ODAD3: variants seen among roughly 807,000 people sequenced by gnomAD.
ODAD3 encodes outer dynein arm docking complex subunit 3, also known as outer dynein arm-docking complex subunit 3.
A neutral mutation model predicts 70.9 loss-of-function variants in ODAD3; 57 were observed. The ratio of observed to expected loss-of-function variants is 0.80; its 90% CI spans 0.65 to 1.00. The LOEUF is 1.00. ODAD3 is among the 50% of genes least tolerant of loss of function. The pLI, the probability that ODAD3 is intolerant of heterozygous loss-of-function variation, is 0.00. For synonymous variants in ODAD3, 327 were observed against 315.9 expected, an observed-to-expected ratio of 1.04 and a Z score of -0.37; for missense variants, 797 against 763.9, an observed-to-expected ratio of 1.04 and a Z score of -0.51.
At chr19:11,425,086 TAC>T (rs1969267687) in intron 7 of ODAD3, among the ~76,000 whole-genome samples, 2 of 131,042 alleles carry the variant, frequency 1.5e-5, no homozygotes, top group African/African-American at 7.4e-5. Flanking sequence ...TGTGTATATG[TAC>T]ATATGTGTAT....
chr19:11,422,321 C>T lies in ODAD3; in HGVS notation c.1434+150G>A. The T allele has an allele frequency of 1.0e-6, 1 of 975,030 alleles. No homozygotes were observed. The highest frequency in any genetic ancestry group is 2.8e-5 in the East Asian group (1 of 36,122). 60.4% of individuals were successfully genotyped at this position (975,030 alleles called of 1,614,324 possible). A position where few individuals can be genotyped will look rare whatever the true frequency, so the allele number is the denominator to read the frequency against. Reference sequence around the variant, plus strand: ...GACTCTGAGGAATGGGGTGGGGCTTCCCCTGTGGGCGGGGCCTCTGACGTC... The same window carrying T: ...GACTCTGAGGAATGGGGTGGGGCTTTCCCTGTGGGCGGGGCCTCTGACGTC... On this transcript the variant is annotated intron_variant, in intron 10 of 12. Transcript: ENST00000356392. This position sits in a 1 kb window ranked among gnomAD's most constrained non-coding sequence, Gnocchi z 4.6.
chr19:11,425,489 A>ATGTATATATGTATATATGTG (rs1969331148), intron 7 of ODAD3, among the ~76,000 whole-genome samples: 6 of 139,762 alleles, frequency 4.3e-5, no homozygotes, highest in East Asian at 2.0e-4. Context: ...GTGTGTATAT[A>ATGTATATATGTATATATGTG]TGTATATATG....
intron 11 of ODAD3, 97 bp from the exon 12 acceptor site, chr19:11,421,309 C>T: frequency 8.7e-7 from 1 of 1,153,794 alleles, no homozygotes; most frequent in Non-Finnish European, 1.2e-6. Flanking sequence ...CCGAGATATG[C>T]CCTAGTTCCA....
intron 1 of ODAD3, 47 bp from the exon 2 acceptor site, chr19:11,431,067 C>T (rs1219422729): frequency 6.2e-7 from 1 of 1,608,090 alleles, no homozygotes; most frequent in Non-Finnish European, 8.5e-7. Flanking sequence ...TGGGTGGGTG[C>T]ATGGGTGCAA....
In ODAD3 at chr19:11,425,471, GTA is replaced by G. The variant is rs1491020377; in HGVS notation, c.963+671_963+672del. On this transcript the variant is annotated intron_variant, in intron 7 of 12. Coordinates refer to ENST00000356392, the MANE Select transcript of ODAD3 (RefSeq NM_145045.5). ...TATACATATATGTGTGTGTATATAT[GTA>G]TATATGTGTGTATATATGTATATAT... Among the ~76,000 whole-genome samples, 33 of 118,928 alleles carry G rather than the reference GTA, an allele frequency of 2.8e-4. 1 individual carries two copies. The highest frequency in any genetic ancestry group is 1.0e-3 in the South Asian group (4 of 3,858). The allele number at this position is 118,928 out of a possible 152,430, so 78.0% of individuals were successfully genotyped here. A position where few individuals can be genotyped will look rare whatever the true frequency, so the allele number is the denominator to read the frequency against.
In ODAD3 at chr19:11,434,220, A is replaced by C. The variant is rs866299103; in HGVS notation, c.244+553T>G. ...AGAGCAAGACCCTGTCTCAAAAAAC[A>C]AAAAACAAAACAAAAAAAAACGCGG... On this transcript the variant is annotated intron_variant, in intron 1 of 12. Transcript: ENST00000356392. Among the ~76,000 whole-genome samples the C allele has an allele frequency of 5.0e-3, 667 of 133,946 alleles. 34 individuals are homozygous for C. Among genetic ancestry groups the C allele is most frequent in the East Asian group, 0.048 (217 of 4,546 alleles). 87.9% of individuals were successfully genotyped at this position (133,946 alleles called of 152,430 possible). A position where few individuals can be genotyped will look rare whatever the true frequency, so the allele number is the denominator to read the frequency against.
At chr19:11,435,327 G>A (rs1352224225), upstream of ODAD3, 1 of 653,118 alleles carries the variant, frequency 1.5e-6, no homozygotes, top group East Asian at 4.0e-5. Flanking sequence ...ACACTTTGGG[G>A]TCACGTGCTC....
At chr19:11,425,489 A>ATGTG (rs781865430) in intron 7 of ODAD3, among the ~76,000 whole-genome samples, 170 of 139,758 alleles carry the variant, frequency 1.2e-3, no homozygotes, top group South Asian at 8.4e-3. Flanking sequence ...GTGTGTATAT[A>ATGTG]TGTATATATG....
At chr19:11,424,162 T>C (rs1969208366) in intron 7 of ODAD3, 133 bp from the exon 8 acceptor site, 2 of 1,186,596 alleles carry the variant, frequency 1.7e-6, no homozygotes, top group Non-Finnish European at 2.4e-6. Flanking sequence ...GGGCAAAAGC[T>C]TGGGGCCAGA....
intron 3 of ODAD3, among the ~76,000 whole-genome samples, chr19:11,430,121 T>C (rs1969472448): frequency 6.6e-6 from 1 of 151,770 alleles, no homozygotes; most frequent in East Asian, 1.9e-4. Flanking sequence ...AAATGTTTTA[T>C]TTTTTTTAAT....
Position 11,424,010 on chromosome 19 carries a change from A to G in ODAD3, c.983T>C (p.Leu328Pro), listed in dbSNP as rs749932786. The change falls in exon 8 of 13, where the codon CTG becomes CCG. Residue 328 changes from leucine (L) to proline (P), a missense_variant. Physicochemically the swap from Leu to Pro is moderately conservative, Grantham distance 98. Transcript: ENST00000356392. ...CTGGATGGTGTCGTCGGACTGTAGC[A>G]GCAGGTGCTCGCGGTGGGTCTGCTC... ...MERKTHREHL[L>P]LQSDDTIQDS... 6.2e-7 allele frequency: 1 copy of G among 1,610,810 alleles called. No individual in the cohort carries two copies. Among genetic ancestry groups the G allele is most frequent in the Non-Finnish European group, 8.5e-7 (1 of 1,179,754 alleles).
chr19:11,422,497 C>T lies in ODAD3; in HGVS notation c.1408G>A (p.Ala470Thr). ...ACAGTGATGTGGATCAGCTTGCTGG[C>T]CAGGTGCTCCAGGCTGTCCTTGGCC... is the stretch of plus-strand genomic sequence containing the variant. ...QVAKDSLEHL[A>T]SKLIHITVED... Residue 470 changes from alanine to threonine, a missense_variant, in exon 10 of 13, where the codon GCC becomes ACC. By Grantham distance (58) the Ala-to-Thr change is moderately conservative (BLOSUM62 0). Coordinates refer to ENST00000356392, the MANE Select transcript of ODAD3 (RefSeq NM_145045.5). This position sits in a 1 kb window ranked among gnomAD's most constrained non-coding sequence, Gnocchi z 4.6. The T allele has an allele frequency of 6.3e-7, 1 of 1,593,138 alleles. No homozygotes were observed. Among genetic ancestry groups the T allele is most frequent in the Non-Finnish European group, 8.5e-7 (1 of 1,171,574 alleles).
chr19:11,424,978 T>C (rs1969250819), intron 7 of ODAD3, among the ~76,000 whole-genome samples: 3 of 131,980 alleles, frequency 2.3e-5, no homozygotes, highest in South Asian at 4.5e-4. Context: ...TATGTATATA[T>C]GTGTATATGT....
chr19:11,435,332 G>T, upstream of ODAD3: 1 of 626,528 alleles, frequency 1.6e-6, no homozygotes, highest in Non-Finnish European at 2.5e-6. Context: ...TTGGGGTCAC[G>T]TGCTCATTCC....
At chr19:11,425,533 A>G (rs1386768264) in intron 7 of ODAD3, among the ~76,000 whole-genome samples, 4 of 143,428 alleles carry the variant, frequency 2.8e-5, no homozygotes, top group Non-Finnish European at 6.0e-5. Flanking sequence ...ATATGTATAT[A>G]TGTGTGTATG....
chr19:11,426,467 G>C lies in ODAD3; in HGVS notation c.819C>G (p.Leu273=). The part of the protein sequence containing the change: ...EALHVVNQEA[L]NARDIAKNQL... ...GCACCTTGGCAATGTCCCGGGCATTGAGGGCCTCTTGGTTCACCACGTGCA... is the reference window on the plus strand; with the variant it reads ...GCACCTTGGCAATGTCCCGGGCATTCAGGGCCTCTTGGTTCACCACGTGCA... The change falls in exon 6 of 13, where the codon CTC becomes CTG. Residue 273 remains leucine (L), a synonymous_variant. Coordinates refer to ENST00000356392, the MANE Select transcript of ODAD3 (RefSeq NM_145045.5). 6.2e-7 allele frequency: 1 copy of C among 1,614,062 alleles called. No homozygotes were observed. Among genetic ancestry groups the C allele is most frequent in the East Asian group, 2.2e-5 (1 of 44,874 alleles).
In ODAD3 at chr19:11,426,251, G is replaced by T; in HGVS notation, c.856C>A (p.Leu286Ile). The change falls in exon 7 of 13, where the codon CTA (leucine) becomes ATA (isoleucine). Residue 286 changes from leucine (L) to isoleucine (I), a missense_variant. Transcript: ENST00000356392. ...RDIAKNQLQY[L>I]EETLVRERKK... ...CGCTCTCGAACCAAGGTCTCCTCTAGGTACTGCAGCTGGTTCTGGAGGGCG... is the reference window on the plus strand; with the variant it reads ...CGCTCTCGAACCAAGGTCTCCTCTATGTACTGCAGCTGGTTCTGGAGGGCG... 1 of 1,613,982 alleles carries T rather than the reference G, an allele frequency of 6.2e-7. No individual in the cohort carries two copies. The highest frequency in any genetic ancestry group is 1.7e-5 in the Admixed American group (1 of 60,004).
chr19:11,429,079 A>T (rs1969449246), intron 3 of ODAD3, among the ~76,000 whole-genome samples: 1 of 146,352 alleles, frequency 6.8e-6, no homozygotes, highest in African/African-American at 2.5e-5. Flanking sequence ...GGGTTTCGCC[A>T]TGTTGGCCAG....
rs1969490670 is a variant in ODAD3 at position 11,430,952 on chromosome 19, G to C, written c.313C>G (p.Gln105Glu). 1.9e-6 allele frequency: 3 copies of C among 1,614,022 alleles called. No individual in the cohort carries two copies. Among genetic ancestry groups the C allele is most frequent in the Admixed American group, 1.7e-5 (1 of 59,988 alleles). ...AGTGCCTTAGTCTCCTTGCGGAGCT[G>C]ACTGATGGTCTCCTGGTTCTTCTTG... ...NIKKNQETIS[Q>E]LRKETKALEL... Residue 105 changes from glutamine to glutamate, a missense_variant, in exon 2 of 13, where the codon CAG (glutamine) becomes GAG (glutamate). Coordinates refer to ENST00000356392, the MANE Select transcript of ODAD3 (RefSeq NM_145045.5).
Sources: allele counts gnomAD v4.1 joint callset (sites outside exome capture counted in the v4.1 genomes callset), GRCh38; gene constraint gnomAD v4.1.1; non-coding constraint Gnocchi (gnomAD v3.1); transcripts MANE v1.5; gene names NCBI Gene and HGNC (gene_info 2026-07-23, HGNC 2026-07-21).